The following AHCYL2 variants were observed in gnomAD, a reference collection of about 807,000 sequenced individuals.
The protein encoded by AHCYL2 is S-adenosylhomocysteine hydrolase-like protein 2.
A neutral mutation model predicts 81.4 loss-of-function variants in AHCYL2; 28 were observed. The ratio of observed to expected loss-of-function variants is 0.34; its 90% CI spans 0.25 to 0.47. The LOEUF is 0.47. Ranked by LOEUF, AHCYL2 falls within the 20% of genes least tolerant of loss-of-function variation. The probability of loss-of-function intolerance (pLI) is 1.00; values close to 1 mark genes in which losing one functional copy is unlikely to be tolerated. For synonymous variants in AHCYL2, 272 were observed against 290.2 expected (o/e 0.94, Z 0.64); for missense variants, 551 against 785.1 (o/e 0.70, Z 3.56).
chr7:129,376,526 G>A (rs1243604501), intron 1 of AHCYL2, among the ~76,000 whole-genome samples: 1 of 152,238 alleles, frequency 6.6e-6, no homozygotes, highest in Non-Finnish European at 1.5e-5. Flanking sequence ...TCCCAGGAAG[G>A]AGGGATTGCT....
At chr7:129,292,076 A>T (rs1413886178) in intron 1 of AHCYL2, among the ~76,000 whole-genome samples, 1 of 152,136 alleles carries the variant, frequency 6.6e-6, no homozygotes, top group Non-Finnish European at 1.5e-5. Flanking sequence ...TGTATCATGT[A>T]TTACTGTAAA....
intron 1 of AHCYL2, among the ~76,000 whole-genome samples, chr7:129,288,668 A>G (rs543986265): frequency 4.6e-5 from 7 of 152,088 alleles, no homozygotes; most frequent in East Asian, 3.9e-4. Flanking sequence ...CAGTACTTCT[A>G]TTTAGAAGAG....
intron 5 of AHCYL2, among the ~76,000 whole-genome samples, chr7:129,399,724 CTTTTTTTT>C (rs778217871): frequency 8.2e-6 from 1 of 122,374 alleles, no homozygotes; most frequent in African/African-American, 3.2e-5. Flanking sequence ...CCTTTAGTCA[CTTTTTTTT>C]TTTTTTTTTT....
chr7:129,252,395 C>T (rs1056116059), intron 1 of AHCYL2, among the ~76,000 whole-genome samples: 7 of 152,198 alleles, frequency 4.6e-5, no homozygotes, highest in Non-Finnish European at 1.0e-4. Context: ...TCGGGTTAAA[C>T]CAGCTAATAC....
intron 1 of AHCYL2, among the ~76,000 whole-genome samples, chr7:129,234,153 A>G (rs1049442770): frequency 6.6e-6 from 1 of 152,020 alleles, no homozygotes; most frequent in Non-Finnish European, 1.5e-5. Flanking sequence ...TGAGCTCAAT[A>G]GAACCTCCCT....
At chr7:129,284,496 G>A (rs887474265) in intron 1 of AHCYL2, among the ~76,000 whole-genome samples, 59 of 151,898 alleles carry the variant, frequency 3.9e-4, no homozygotes, top group African/African-American at 1.4e-3. Flanking sequence ...CTGCTTGGTA[G>A]GCTGAGGCAG....
chr7:129,238,626 T>G (rs1794722425), intron 1 of AHCYL2, among the ~76,000 whole-genome samples: 1 of 152,072 alleles, frequency 6.6e-6, no homozygotes, highest in Non-Finnish European at 1.5e-5. Context: ...GCACTGAAAT[T>G]GAGGTGAAAC....
At chr7:129,395,319 G>A (rs1041850199) in intron 4 of AHCYL2, among the ~76,000 whole-genome samples, 4 of 152,164 alleles carry the variant, frequency 2.6e-5, no homozygotes, top group African/African-American at 9.7e-5. Flanking sequence ...CACACGGTGA[G>A]GGCAAGTGGG....
At chr7:129,335,239 G>A (rs1357334868) in intron 1 of AHCYL2, among the ~76,000 whole-genome samples, 5 of 152,092 alleles carry the variant, frequency 3.3e-5, no homozygotes, top group Admixed American at 3.3e-4. Flanking sequence ...CTGGCCTGGT[G>A]GCACATGCCT....
At position 129,399,701 on chromosome 7, in the gene AHCYL2, G is replaced by A. The variant is rs1462005262; in HGVS notation, c.824-589G>A. 3.9e-4 allele frequency among the ~76,000 whole-genome samples: 59 copies of A among 150,334 alleles called. 1 individual carries two copies. The highest frequency in any genetic ancestry group is 4.4e-5 in the Non-Finnish European group (3 of 67,620). On this transcript the variant is annotated intron_variant, in intron 5 of 16. Transcript: ENST00000325006. The stretch of plus-strand genomic sequence containing the variant: ...AGTGGATCAAGAAGTACCTGTTTCT[G>A]GTTTTTGTTTTCCCTTTAGTCACTT...
intron 1 of AHCYL2, among the ~76,000 whole-genome samples, chr7:129,373,769 G>A (rs1179520184): frequency 6.6e-6 from 1 of 151,804 alleles, no homozygotes; most frequent in Non-Finnish European, 1.5e-5. Flanking sequence ...CCTGAGTGAG[G>A]GAAAGGGGAA....
At chr7:129,405,803 AT>A (rs1796276750) in intron 8 of AHCYL2, 32 bp from the exon 9 acceptor site, 9 of 1,586,290 alleles carry the variant, frequency 5.7e-6, no homozygotes, top group Non-Finnish European at 7.7e-6. Flanking sequence ...ACAAGAGAAG[AT>A]TTTTCTGATT....
At chr7:129,314,776 T>C (rs1170733985) in intron 1 of AHCYL2, among the ~76,000 whole-genome samples, 1 of 152,160 alleles carries the variant, frequency 6.6e-6, no homozygotes, top group Admixed American at 6.6e-5. Flanking sequence ...AATAAATGAA[T>C]TGAAATAGAG....
At chr7:129,415,613 G>A (rs1352551804) in intron 12 of AHCYL2, among the ~76,000 whole-genome samples, 5 of 149,434 alleles carry the variant, frequency 3.3e-5, no homozygotes, top group Non-Finnish European at 5.9e-5. Context: ...ACCTGAGGTC[G>A]GGAGTTCAAA....
chr7:129,397,965 T>A (rs1473047754), intron 5 of AHCYL2, among the ~76,000 whole-genome samples: 2 of 152,238 alleles, frequency 1.3e-5, no homozygotes. Context: ...AATACAAATA[T>A]TAAATGTGTA....
chr7:129,284,641 G>T lies in AHCYL2; in HGVS notation c.363+59202G>T, dbSNP rs1179542842. 1.3e-5 allele frequency among the ~76,000 whole-genome samples: 2 copies of T among 151,784 alleles called. 1 individual carries two copies. Among genetic ancestry groups the T allele is most frequent in the East Asian group, 3.9e-4 (2 of 5,190 alleles). On this transcript the variant is annotated intron_variant, in intron 1 of 16. Coordinates refer to ENST00000325006, the MANE Select transcript of AHCYL2 (RefSeq NM_015328.4). ...AAAAGCTTGGAATAGTTGTTTGGGG[G>T]CCATCCTGAGACAATGTGATTCTCA...
intron 1 of AHCYL2, among the ~76,000 whole-genome samples, chr7:129,291,664 G>A (rs1036180930): frequency 6.7e-5 from 10 of 149,240 alleles, no homozygotes; most frequent in Non-Finnish European, 1.5e-4. Context: ...GTGCAGTGGC[G>A]TGATCTCAGT....
At chr7:129,397,378 C>T (rs1054559923) in intron 5 of AHCYL2, 54 bp downstream of exon 5, 26 of 1,498,560 alleles carry the variant, frequency 1.7e-5, no homozygotes, top group Non-Finnish European at 1.8e-5. Context: ...TGGAGACTTA[C>T]TTTATGTTTC....
chr7:129,290,394 G>A (rs575097102), intron 1 of AHCYL2, among the ~76,000 whole-genome samples: 4 of 151,656 alleles, frequency 2.6e-5, no homozygotes, highest in South Asian at 4.2e-4. Context: ...CCAGCTACTC[G>A]GGAGGCTGAG....
Sources: allele counts gnomAD v4.1 joint callset (sites outside exome capture counted in the v4.1 genomes callset), GRCh38; gene constraint gnomAD v4.1.1; transcripts MANE v1.5; gene names NCBI Gene and HGNC (gene_info 2026-07-23, HGNC 2026-07-21).